MAGI2: variants seen among roughly 807,000 people sequenced by gnomAD.
MAGI2 encodes the protein membrane-associated guanylate kinase, WW and PDZ domain-containing protein 2.
MAGI2 carries 35 observed loss-of-function variants against 133.3 expected under a neutral mutation model. That is an observed-to-expected ratio of 0.26 (90% CI 0.20 to 0.35). MAGI2 has a LOEUF of 0.35. Among genes scored for constraint, MAGI2 ranks in the 10% least tolerant of loss-of-function variants. The pLI, the probability that MAGI2 is intolerant of heterozygous loss-of-function variation, is 1.00. For missense variants in MAGI2, 1,636 were observed against 1,863.4 expected (o/e 0.88, Z 2.25); for synonymous variants, 729 against 710.6 (o/e 1.03, Z -0.41).
chr7:78,567,392 C>T (rs898871079), intron 3 of MAGI2, among the ~76,000 whole-genome samples: 4 of 123,082 alleles, frequency 3.2e-5, no homozygotes, highest in Non-Finnish European at 5.2e-5. Flanking sequence ...AGCCTACACA[C>T]TACACACACA....
intron 21 of MAGI2, among the ~76,000 whole-genome samples, chr7:78,049,827 G>A (rs1170779436): frequency 6.6e-6 from 1 of 152,154 alleles, no homozygotes; most frequent in Admixed American, 6.5e-5. Context: ...CAGAGATGTT[G>A]CAACGTTTTC....
At chr7:78,555,219 TAGAC>T (rs373804122) in intron 3 of MAGI2, among the ~76,000 whole-genome samples, 7,631 of 111,128 alleles carry the variant, frequency 0.069, 267 homozygotes, top group African/African-American at 0.18. Context: ...GATAGATAGA[TAGAC>T]AGATAGATAG....
At chr7:79,202,619 C>A (rs1365310995) in intron 1 of MAGI2, among the ~76,000 whole-genome samples, 3 of 151,760 alleles carry the variant, frequency 2.0e-5, no homozygotes, top group African/African-American at 7.3e-5. Flanking sequence ...TTAAAAAACT[C>A]ATGGGCAAGA....
intron 7 of MAGI2, among the ~76,000 whole-genome samples, chr7:78,352,661 A>C (rs1402981945): frequency 6.6e-6 from 1 of 152,158 alleles, no homozygotes; most frequent in African/African-American, 2.4e-5. Flanking sequence ...GGGAGGTGGA[A>C]TCATGGCCAA....
chr7:78,611,945 C>A (rs1584838752), intron 3 of MAGI2, among the ~76,000 whole-genome samples: 1 of 152,202 alleles, frequency 6.6e-6, no homozygotes, highest in Non-Finnish European at 1.5e-5. Flanking sequence ...TGTCTATAAT[C>A]CAAACTCCAG....
At chr7:79,060,777 G>T (rs1053409165) in intron 1 of MAGI2, among the ~76,000 whole-genome samples, 1 of 152,058 alleles carries the variant, frequency 6.6e-6, no homozygotes, top group African/African-American at 2.4e-5. Context: ...CCACCTGATA[G>T]AAAGTGAATG....
chr7:78,170,749 T>C (rs1311501012), intron 14 of MAGI2: 2 of 151,946 alleles, frequency 1.3e-5, no homozygotes, highest in East Asian at 1.9e-4. Context: ...ACCCCTTCAA[T>C]TGAATATCTA....
chr7:79,307,695 T>C (rs1027531636), intron 1 of MAGI2, among the ~76,000 whole-genome samples: 3 of 152,214 alleles, frequency 2.0e-5, no homozygotes, highest in Non-Finnish European at 2.9e-5. Context: ...ATTCTTAACC[T>C]AGATATAGCT....
chr7:78,897,965 G>A (rs964078912), intron 2 of MAGI2, among the ~76,000 whole-genome samples: 2 of 152,126 alleles, frequency 1.3e-5, no homozygotes, highest in Non-Finnish European at 2.9e-5. Flanking sequence ...CTAATATCGA[G>A]CATCTATAAG....
At chr7:79,323,468 C>T (rs1038196504) in intron 1 of MAGI2, among the ~76,000 whole-genome samples, 11 of 151,918 alleles carry the variant, frequency 7.2e-5, no homozygotes, top group East Asian at 3.9e-4. Flanking sequence ...TAGTTAGGGC[C>T]GGCAGTGGGT....
intron 1 of MAGI2, among the ~76,000 whole-genome samples, chr7:79,360,748 C>T (rs1842329453): frequency 1.3e-5 from 2 of 151,844 alleles, no homozygotes; most frequent in Admixed American, 1.3e-4. Flanking sequence ...GAGATTATAT[C>T]CTTAAAATTG....
chr7:78,212,455 C>A (rs1404702944), intron 10 of MAGI2, among the ~76,000 whole-genome samples: 1 of 152,120 alleles, frequency 6.6e-6, no homozygotes, highest in Admixed American at 6.6e-5. Flanking sequence ...GCTGCAGCTG[C>A]CCTGAAGATA....
At chr7:79,130,254 G>A (rs1209063952) in intron 1 of MAGI2, among the ~76,000 whole-genome samples, 1 of 152,092 alleles carries the variant, frequency 6.6e-6, no homozygotes, top group Non-Finnish European at 1.5e-5. Flanking sequence ...CCAGGCTTCA[G>A]TGAGCTATGA....
chr7:79,204,988 T>A (rs916508337), intron 1 of MAGI2, among the ~76,000 whole-genome samples: 14 of 151,452 alleles, frequency 9.2e-5, no homozygotes, highest in Non-Finnish European at 4.4e-5. Flanking sequence ...TGAAACATCA[T>A]CAAAAGAGCA....
chr7:78,696,285 T>C (rs1817507730), intron 2 of MAGI2, among the ~76,000 whole-genome samples: 1 of 152,134 alleles, frequency 6.6e-6, no homozygotes, highest in Admixed American at 6.6e-5. Flanking sequence ...TACAAGTTAA[T>C]TTTCTAAGCA....
intron 3 of MAGI2, among the ~76,000 whole-genome samples, chr7:78,572,816 C>A (rs1801648309): frequency 6.6e-6 from 1 of 151,438 alleles, no homozygotes; most frequent in Non-Finnish European, 1.5e-5. Flanking sequence ...GCATGTGCCA[C>A]CATGCCCAGC....
chr7:79,440,213 T>C (rs1848407173), intron 1 of MAGI2, among the ~76,000 whole-genome samples: 1 of 151,930 alleles, frequency 6.6e-6, no homozygotes. Flanking sequence ...GAGAGTCTTA[T>C]AAGTTAATGG....
intron 2 of MAGI2, among the ~76,000 whole-genome samples, chr7:78,980,594 C>A (rs1804695652): frequency 6.6e-6 from 1 of 151,718 alleles, no homozygotes; most frequent in South Asian, 2.1e-4. Flanking sequence ...GTGTTTAATT[C>A]CATCTTATAT....
At chr7:79,079,393 G>A (rs957557027) in intron 1 of MAGI2, among the ~76,000 whole-genome samples, 9 of 152,118 alleles carry the variant, frequency 5.9e-5, no homozygotes, top group African/African-American at 2.2e-4. Context: ...ACAAGTGGTC[G>A]ATAAGGTGTT....
Sources: allele counts gnomAD v4.1 joint callset (sites outside exome capture counted in the v4.1 genomes callset), GRCh38; gene constraint gnomAD v4.1.1; transcripts MANE v1.5; gene names NCBI Gene and HGNC (gene_info 2026-07-23, HGNC 2026-07-21).